Variants in PTPN21 observed in about 807,000 individuals in gnomAD.
The protein encoded by PTPN21 is tyrosine-protein phosphatase non-receptor type 21.
Under a neutral mutation model 131.8 loss-of-function variants are expected in PTPN21, and 77 were observed. That is an observed-to-expected ratio of 0.58 (90% CI 0.49 to 0.71). The LOEUF (loss-of-function observed/expected upper bound fraction) is 0.71. Ranked by LOEUF, PTPN21 falls within the 30% of genes least tolerant of loss-of-function variation. The pLI, the probability that PTPN21 is intolerant of heterozygous loss-of-function variation, is 0.00. For missense variants in PTPN21, 1,552 were observed against 1,527.1 expected (o/e 1.02, Z -0.27); for synonymous variants, 715 against 621.3 (o/e 1.15, Z -2.24).
intron 3 of PTPN21, chr14:88,513,850 T>C (rs1370732544): frequency 6.6e-6 from 1 of 152,252 alleles, no homozygotes; most frequent in African/African-American, 2.4e-5. Context: ...TTTTGTCTGT[T>C]GGCATGAAGT....
intron 2 of PTPN21, among the ~76,000 whole-genome samples, chr14:88,535,894 C>T (rs779850320): frequency 2.6e-5 from 4 of 152,210 alleles, no homozygotes; most frequent in South Asian, 2.1e-4. Flanking sequence ...GGACTATGCA[C>T]GTCCTGTTAA....
chr14:88,491,250 C>T (rs1167724048), intron 10 of PTPN21, among the ~76,000 whole-genome samples: 1 of 152,138 alleles, frequency 6.6e-6, no homozygotes, highest in Non-Finnish European at 1.5e-5. Flanking sequence ...TGTATAAATA[C>T]TAAAATATAG....
At chr14:88,482,779 G>A in intron 12 of PTPN21, among the ~76,000 whole-genome samples, 1 of 151,976 alleles carries the variant, frequency 6.6e-6, no homozygotes, top group Non-Finnish European at 1.5e-5. Context: ...TTTCCAGAAG[G>A]TACAAAGGCT....
intron 8 of PTPN21, among the ~76,000 whole-genome samples, chr14:88,498,775 A>G (rs374213035): frequency 6.6e-6 from 1 of 152,238 alleles, no homozygotes; most frequent in East Asian, 1.9e-4. Context: ...AGTGATCACT[A>G]GGATTCAAAA....
Position 88,485,208 on chromosome 14 carries a change from A to G in PTPN21, c.994-48T>C, listed in dbSNP as rs773932350. ...CAGGGTTGAAACACATTGCTTATGT[A>G]ATACAGGTAAAGTTATTATCCACTG... On this transcript the variant is annotated intron_variant, in intron 11 of 18. Transcript: ENST00000556564. 4 of 1,186,728 alleles carry G rather than the reference A, an allele frequency of 3.4e-6. No individual in the cohort carries two copies. In the African/African-American group the frequency reaches 4.7e-5, roughly 14 times the overall value. The allele number at this position is 1,186,728 out of a possible 1,614,324, so 73.5% of individuals were successfully genotyped here.
chr14:88,490,953 T>C (rs992299005), intron 10 of PTPN21, among the ~76,000 whole-genome samples: 6 of 152,210 alleles, frequency 3.9e-5, no homozygotes, highest in Non-Finnish European at 1.5e-5. Flanking sequence ...ATTTTCCTTA[T>C]ATAAATCAGG....
intron 2 of PTPN21, among the ~76,000 whole-genome samples, chr14:88,525,770 T>C (rs1006140733): frequency 1.3e-5 from 2 of 152,154 alleles, no homozygotes; most frequent in Admixed American, 1.3e-4. Flanking sequence ...AGCAGGACTA[T>C]CTGCAATAAC....
intron 2 of PTPN21, among the ~76,000 whole-genome samples, chr14:88,539,265 T>TC (rs2078671374): frequency 6.6e-6 from 1 of 151,022 alleles, no homozygotes; most frequent in Non-Finnish European, 1.5e-5. Flanking sequence ...TTTTTTTTTT[T>TC]TGAGACATAG....
At position 88,544,009 on chromosome 14, in the gene PTPN21, A is replaced by G. The variant is rs116076797; in HGVS notation, c.180+6229T>C. On this transcript the variant is annotated intron_variant, in intron 2 of 18. Coordinates refer to ENST00000556564, the MANE Select transcript of PTPN21 (RefSeq NM_007039.4). ...AAACATGAAAAAAATAACCTTGAAG[A>G]GACTTCCATGGTTTCACAACTTCCC... Among the ~76,000 whole-genome samples the G allele has an allele frequency of 4.6e-3, 698 of 152,330 alleles. 7 individuals carry two copies. Among genetic ancestry groups the G allele is most frequent in the African/African-American group, 0.015 (643 of 41,570 alleles).
In PTPN21 at chr14:88,479,177, C is replaced by G. The variant is rs759871037; in HGVS notation, c.2254G>C (p.Ala752Pro). The change falls in exon 13 of 19, where the codon GCC becomes CCC. Residue 752 changes from alanine (A) to proline (P), a missense_variant. This residue lies in a region of PTPN21 where 1,016 missense variants were observed against 883.5 expected (regional missense o/e 1.15). Transcript: ENST00000556564. ...GGCTCCAGGATGTGCAGGGGCCCGG[C>G]GAGCAGGACGCGAGGGCAGCCAGGT... ...DPPGCPRVLL[A>P]GPLHILEPKA... The G allele has an allele frequency of 6.4e-7, 1 of 1,554,136 alleles. No individual in the cohort carries two copies. The highest frequency in any genetic ancestry group is 2.3e-5 in the East Asian group (1 of 44,060).
chr14:88,548,318 T>C (rs978738968), intron 2 of PTPN21, among the ~76,000 whole-genome samples: 29 of 152,250 alleles, frequency 1.9e-4, no homozygotes, highest in Admixed American at 1.2e-3. Flanking sequence ...ATCCTCATTG[T>C]GTGGCCCTTA....
chr14:88,479,193 GCA>G lies in PTPN21; in HGVS notation c.2236_2237del (p.Cys746ProfsTer107). Reference sequence around the variant, plus strand: ...GGGGCCCGGCGAGCAGGACGCGAGGGCAGCCAGGTGGGTCCTGGGCCAGGCCG... The same window carrying G: ...GGGGCCCGGCGAGCAGGACGCGAGGGGCCAGGTGGGTCCTGGGCCAGGCCG... ...RPGLAQDPPG[C>X]PRVLLAGPLH... On this transcript the variant is annotated frameshift_variant, in exon 13 of 19. Coordinates refer to ENST00000556564, the MANE Select transcript of PTPN21 (RefSeq NM_007039.4). LOFTEE classifies it high-confidence loss of function. 1 of 1,571,696 alleles carries G rather than the reference GCA, an allele frequency of 6.4e-7. No homozygotes were observed. The highest frequency in any genetic ancestry group is 8.6e-7 in the Non-Finnish European group (1 of 1,161,536).
intron 10 of PTPN21, among the ~76,000 whole-genome samples, chr14:88,488,789 A>G (rs1159112067): frequency 6.6e-6 from 1 of 152,108 alleles, no homozygotes; most frequent in Non-Finnish European, 1.5e-5. Context: ...GCGAATTCCC[A>G]CCATATTCTA....
intron 10 of PTPN21, among the ~76,000 whole-genome samples, chr14:88,486,729 A>G (rs1377159046): frequency 6.6e-6 from 1 of 152,074 alleles, no homozygotes; most frequent in Non-Finnish European, 1.5e-5. Flanking sequence ...TGTAATCCCA[A>G]ACTTTCAGAG....
intron 2 of PTPN21, among the ~76,000 whole-genome samples, chr14:88,547,925 G>C (rs1410584384): frequency 6.6e-6 from 1 of 152,074 alleles, no homozygotes; most frequent in Non-Finnish European, 1.5e-5. Context: ...AGATCCATCT[G>C]TCTATTCAAA....
rs1432290483 is a variant in PTPN21, at chr14:88,512,632, C to T, written c.350+4460G>A. ...CAGCACTGTCTAACAGAACATTCCG[C>T]AGTGATAGAAATTATCTATATCTGC... On this transcript the variant is annotated intron_variant, in intron 3 of 18. Coordinates refer to ENST00000556564, the MANE Select transcript of PTPN21 (RefSeq NM_007039.4). 11 of 152,256 alleles carry T rather than the reference C, an allele frequency of 7.2e-5. No homozygotes were observed. In the East Asian group the frequency reaches 1.9e-3, roughly 27 times the overall value. 9.4% of individuals were successfully genotyped at this position (152,256 alleles called of 1,614,324 possible).
chr14:88,468,100 G>A lies in PTPN21; in HGVS notation c.*37C>T, dbSNP rs770979031. 16 of 1,609,766 alleles carry A rather than the reference G, an allele frequency of 9.9e-6. No individual in the cohort carries two copies. Among genetic ancestry groups the A allele is most frequent in the South Asian group, 4.4e-5 (4 of 90,826 alleles). On this transcript the variant is annotated 3_prime_UTR_variant, in exon 19 of 19. Transcript: ENST00000556564. ...AGCGCTTTTTTTTTAAGCTGTAAACGCTTCACATGACTGGCCCCGTAAGAA... is the reference window on the plus strand; with the variant it reads ...AGCGCTTTTTTTTTAAGCTGTAAACACTTCACATGACTGGCCCCGTAAGAA...
At chr14:88,531,848 G>A (rs1333293409) in intron 2 of PTPN21, among the ~76,000 whole-genome samples, 1 of 152,022 alleles carries the variant, frequency 6.6e-6, no homozygotes, top group Admixed American at 6.5e-5. Context: ...AAACAAAATT[G>A]ATTGACCATT....
chr14:88,466,217 T>C lies in PTPN21; in HGVS notation c.*1920A>G, dbSNP rs2077360514. ...TTAAACAGGACTTTAAAAAGAATTT[T>C]GTATTTACAAAATTTACATTTTGTT... On this transcript the variant is annotated 3_prime_UTR_variant, in exon 19 of 19. Transcript: ENST00000556564. 1 of 152,200 alleles carries C rather than the reference T, an allele frequency of 6.6e-6. No homozygotes were observed. Among genetic ancestry groups the C allele is most frequent in the Non-Finnish European group, 1.5e-5 (1 of 68,034 alleles). 9.4% of individuals were successfully genotyped at this position (152,200 alleles called of 1,614,324 possible).
Sources: allele counts gnomAD v4.1 joint callset (sites outside exome capture counted in the v4.1 genomes callset), GRCh38; gene constraint gnomAD v4.1.1; regional missense constraint gnomAD v4.1.1; transcripts MANE v1.5; gene names NCBI Gene and HGNC (gene_info 2026-07-23, HGNC 2026-07-21).